Variants in HRH1 observed in about 807,000 individuals in gnomAD.
The protein encoded by HRH1 is histamine receptor H1.
HRH1 carries 6 observed loss-of-function variants against 10.3 expected under a neutral mutation model. The ratio of observed to expected loss-of-function variants is 0.58; its 90% CI spans 0.32 to 1.15. HRH1 has a LOEUF of 1.15. Among genes scored for constraint, HRH1 ranks in the 50% most tolerant of loss-of-function variants. HRH1 has a pLI of 0.05. For synonymous variants in HRH1, 242 were observed against 236.7 expected, an observed-to-expected ratio of 1.02 and a Z score of -0.21; for missense variants, 514 against 615.3, an observed-to-expected ratio of 0.84 and a Z score of 1.74.
intron 1 of HRH1, among the ~76,000 whole-genome samples, chr3:11,242,518 A>C: frequency 1.4e-5 from 2 of 142,994 alleles, no homozygotes; most frequent in East Asian, 2.1e-4. Context: ...AAGCTGTAAC[A>C]CTCACTGCAA....
chr3:11,225,369 G>T (rs1255720112), intron 1 of HRH1, among the ~76,000 whole-genome samples: 1 of 152,192 alleles, frequency 6.6e-6, no homozygotes, highest in African/African-American at 2.4e-5. Flanking sequence ...ACTGCTCTCT[G>T]GAAGGCTGGC....
intron 1 of HRH1, among the ~76,000 whole-genome samples, chr3:11,191,642 G>A (rs1479019605): frequency 6.6e-6 from 1 of 152,202 alleles, no homozygotes; most frequent in Admixed American, 6.5e-5. Context: ...CCAGAACCTG[G>A]GGGCCAGCAT....
chr3:11,240,949 C>T (rs1939320387), intron 1 of HRH1, among the ~76,000 whole-genome samples: 1 of 152,142 alleles, frequency 6.6e-6, no homozygotes, highest in African/African-American at 2.4e-5. Flanking sequence ...GCAGGTGAGG[C>T]AGTTTAGAAT....
upstream of HRH1, among the ~76,000 whole-genome samples, chr3:11,153,657 G>A (rs928109721): frequency 1.3e-5 from 2 of 151,938 alleles, no homozygotes; most frequent in South Asian, 2.1e-4. Flanking sequence ...GAAAAACCTC[G>A]ACCTCTCTCT....
At chr3:11,249,678 G>A (rs890986340) in intron 1 of HRH1, among the ~76,000 whole-genome samples, 4 of 152,156 alleles carry the variant, frequency 2.6e-5, no homozygotes, top group East Asian at 1.9e-4. Context: ...ACAACTATTC[G>A]TTGTGGCAGT....
intron 1 of HRH1, among the ~76,000 whole-genome samples, chr3:11,164,515 G>C (rs993953744): frequency 6.6e-5 from 10 of 151,904 alleles, no homozygotes; most frequent in Admixed American, 2.0e-4. Context: ...AATTGATGGT[G>C]TTTTGTTTTG....
rs376189492 is a variant in HRH1, at chr3:11,209,040, C to A, written c.-35-49963C>A. Among the ~76,000 whole-genome samples the A allele has an allele frequency of 1.1e-4, 17 of 152,316 alleles. No individual in the cohort carries two copies. The East Asian group carries it at 3.3e-3, about 29-fold the overall frequency. On this transcript the variant is annotated intron_variant, in intron 1 of 1. Coordinates refer to ENST00000431010, the MANE Select transcript of HRH1 (RefSeq NM_001098212.2). ...GTATTGCCCACGTAGATGCTAAAAT[C>A]TAAACAGCCCAATCAAGAAATACTT...
At chr3:11,248,782 G>A (rs1257822955) in intron 1 of HRH1, among the ~76,000 whole-genome samples, 1 of 152,222 alleles carries the variant, frequency 6.6e-6, no homozygotes, top group African/African-American at 2.4e-5. Flanking sequence ...TTGACTTCAG[G>A]GAACAGCAGT....
intron 1 of HRH1, among the ~76,000 whole-genome samples, chr3:11,176,354 G>A (rs1009390088): frequency 1.3e-5 from 2 of 152,174 alleles, no homozygotes; most frequent in African/African-American, 4.8e-5. Flanking sequence ...CCAGATGCCA[G>A]TTGTGCCCCC....
upstream of HRH1, among the ~76,000 whole-genome samples, chr3:11,153,108 G>T (rs1012605087): frequency 4.6e-5 from 7 of 152,272 alleles, no homozygotes; most frequent in Admixed American, 3.9e-4. Context: ...AGTTATAACA[G>T]CACCTTGGAC....
chr3:11,236,427 TCAAAACAAAA>T (rs3087293), intron 1 of HRH1, among the ~76,000 whole-genome samples: 6 of 151,210 alleles, frequency 4.0e-5, no homozygotes, highest in African/African-American at 7.3e-5. Context: ...AGACTCCGTC[TCAAAACAAAA>T]CAAAACAAAA....
intron 1 of HRH1, among the ~76,000 whole-genome samples, chr3:11,249,461 G>A (rs1006838251): frequency 1.3e-5 from 2 of 151,308 alleles, no homozygotes; most frequent in African/African-American, 2.4e-5. Flanking sequence ...GGGTGAAGGA[G>A]GTGGAGGAGC....
chr3:11,178,021 C>T (rs1023229512), intron 1 of HRH1, among the ~76,000 whole-genome samples: 4 of 152,192 alleles, frequency 2.6e-5, no homozygotes, highest in African/African-American at 4.8e-5. Context: ...TATCTGGGTC[C>T]ATCCACTCCC....
chr3:11,196,195 C>T (rs1185208352), intron 1 of HRH1, among the ~76,000 whole-genome samples: 1 of 152,224 alleles, frequency 6.6e-6, no homozygotes, highest in Non-Finnish European at 1.5e-5. Context: ...CCAGCCTCTG[C>T]CTAAGTCTCC....
chr3:11,168,562 G>A (rs1014055988), intron 1 of HRH1, among the ~76,000 whole-genome samples: 3 of 152,164 alleles, frequency 2.0e-5, no homozygotes, highest in Admixed American at 6.5e-5. Flanking sequence ...CAGTCACCCC[G>A]GTGGACTCAG....
intron 1 of HRH1, among the ~76,000 whole-genome samples, chr3:11,138,333 C>T (rs1052629501): frequency 3.3e-5 from 5 of 151,936 alleles, no homozygotes; most frequent in African/African-American, 1.2e-4. Context: ...AAACAAGGAA[C>T]TCTTACAACT....
intron 1 of HRH1, among the ~76,000 whole-genome samples, chr3:11,161,491 G>A (rs1936921161): frequency 6.6e-6 from 1 of 152,196 alleles, no homozygotes; most frequent in African/African-American, 2.4e-5. Flanking sequence ...AGAGTCTGTG[G>A]ACGTGATTGT....
chr3:11,218,274 G>A (rs955685495), intron 1 of HRH1, among the ~76,000 whole-genome samples: 2 of 151,774 alleles, frequency 1.3e-5, no homozygotes, highest in Non-Finnish European at 2.9e-5. Flanking sequence ...GTGAAACCCC[G>A]TCTCTGTTAA....
chr3:11,262,364 T>G lies in HRH1; in HGVS notation c.*1863T>G, dbSNP rs1329444761. 2.4e-5 allele frequency: 4 copies of G among 167,106 alleles called. No individual in the cohort carries two copies. Among genetic ancestry groups the G allele is most frequent in the African/African-American group, 9.6e-5 (4 of 41,476 alleles). The allele number at this position is 167,106 out of a possible 1,614,324, so 10.4% of individuals were successfully genotyped here. On this transcript the variant is annotated 3_prime_UTR_variant, in exon 2 of 2. Coordinates refer to ENST00000431010, the MANE Select transcript of HRH1 (RefSeq NM_001098212.2). ...TAAGAAGATGTTTTGAAATGTACCATCAAATGTTAACAGAGTTTGATATGG... is the reference window on the plus strand; with the variant it reads ...TAAGAAGATGTTTTGAAATGTACCAGCAAATGTTAACAGAGTTTGATATGG...
Sources: gnomAD v4.1 joint callset for allele counts (sites outside exome capture counted in the v4.1 genomes callset) on GRCh38, gnomAD v4.1.1 for gene constraint, MANE v1.5 for transcripts, NCBI Gene and HGNC (gene_info 2026-07-23, HGNC 2026-07-21) for gene names.